The following HHIPL1 variants were observed in gnomAD, a reference collection of about 807,000 sequenced individuals.
HHIPL1 encodes HHIP-like protein 1.
In HHIPL1, 43 loss-of-function variants were observed where a neutral mutation model predicts 61.8. The observed-to-expected ratio is 0.70, with a 90% CI of 0.55 to 0.90. HHIPL1 has a LOEUF of 0.90. HHIPL1 is among the 40% of genes least tolerant of loss of function. The pLI, the probability that HHIPL1 is intolerant of heterozygous loss-of-function variation, is 0.00. For missense variants in HHIPL1, 1,056 were observed against 1,157.7 expected, an observed-to-expected ratio of 0.91 and a Z score of 1.28; for synonymous variants, 482 against 515.8, an observed-to-expected ratio of 0.93 and a Z score of 0.89.
At chr14:99,640,710 C>A (rs1271848224), upstream of HHIPL1, among the ~76,000 whole-genome samples, 1 of 152,134 alleles carries the variant, frequency 6.6e-6, no homozygotes, top group African/African-American at 2.4e-5. Context: ...TATACCACTT[C>A]ATGTGTAGTG....
chr14:99,672,463 C>A (rs916732465), intron 8 of HHIPL1, 64 bp downstream of exon 8: 17 of 1,380,372 alleles, frequency 1.2e-5, no homozygotes, highest in Non-Finnish European at 1.6e-5. Flanking sequence ...CAACGGCTGC[C>A]TTTCCAGCCA....
the HHIPL1 span, among the ~76,000 whole-genome samples, chr14:99,637,091 A>AG: frequency 3.8e-4 from 48 of 127,022 alleles, 1 homozygote; most frequent in Non-Finnish European, 7.3e-4. Context: ...AAAGAAAGAA[A>AG]GAAGGAAGGA....
At chr14:99,621,709 C>CTTTTTTTTTTTTTTTTTTTTTTTTTT in the HHIPL1 span, among the ~76,000 whole-genome samples, 2 of 84,526 alleles carry the variant, frequency 2.4e-5, no homozygotes, top group Non-Finnish European at 2.1e-5. Flanking sequence ...CTTTTCTTTT[C>CTTTTTTTTTTTTTTTTTTTTTTTTTT]TTTTTTTTTT....
Position 99,675,819 on chromosome 14 carries a change from G to T in HHIPL1, c.*193G>T. 1 of 507,970 alleles carries T rather than the reference G, an allele frequency of 2.0e-6. No individual in the cohort carries two copies. The highest frequency in any genetic ancestry group is 3.3e-6 in the Non-Finnish European group (1 of 303,296). The allele number at this position is 507,970 out of a possible 1,614,324, so 31.5% of individuals were successfully genotyped here. Reference sequence around the variant, plus strand: ...CAGACCCAAGGCAGGAGTGTGTGTTGGGGGCGGTGTGGGCTCTGGAAGTGC... The same window carrying T: ...CAGACCCAAGGCAGGAGTGTGTGTTTGGGGCGGTGTGGGCTCTGGAAGTGC... On this transcript the variant is annotated 3_prime_UTR_variant, in exon 9 of 9. Transcript: ENST00000330710. This position sits in a 1 kb window ranked among gnomAD's most constrained non-coding sequence, Gnocchi z 5.4.
At chr14:99,662,569 G>A (rs1354756984) in intron 5 of HHIPL1, among the ~76,000 whole-genome samples, 3 of 152,204 alleles carry the variant, frequency 2.0e-5, no homozygotes, top group African/African-American at 7.2e-5. Flanking sequence ...CACATGTGCA[G>A]TCACAGAGGG....
chr14:99,608,220 G>T, the HHIPL1 span, among the ~76,000 whole-genome samples: 2 of 151,726 alleles, frequency 1.3e-5, no homozygotes, highest in East Asian at 1.9e-4. Context: ...CGATGGAGCT[G>T]GGCAGAGGAG....
At chr14:99,642,624 C>G (rs1313880159), upstream of HHIPL1, among the ~76,000 whole-genome samples, 1 of 151,788 alleles carries the variant, frequency 6.6e-6, no homozygotes, top group Non-Finnish European at 1.5e-5. Context: ...CTCCTGGGTT[C>G]ACGCCATTCT....
intron 6 of HHIPL1, 119 bp downstream of exon 6, chr14:99,663,140 CACCT>C: frequency 1.0e-6 from 1 of 953,476 alleles, no homozygotes; most frequent in Admixed American, 3.1e-5. Context: ...AATTAGTTCC[CACCT>C]GGGATGTTCC....
the HHIPL1 span, among the ~76,000 whole-genome samples, chr14:99,618,724 T>G: frequency 1.3e-5 from 2 of 152,214 alleles, no homozygotes; most frequent in Non-Finnish European, 2.9e-5. Flanking sequence ...CTCCTCTCCA[T>G]GGGGCCCCTC....
At chr14:99,645,488 G>A in intron 1 of HHIPL1, 26 bp downstream of exon 1, 6 of 1,262,446 alleles carry the variant, frequency 4.8e-6, no homozygotes, top group Non-Finnish European at 5.9e-6. Context: ...GCCACCGGGC[G>A]GGGCGGGGCG....
At chr14:99,667,342 T>C (rs1290484043) in intron 6 of HHIPL1, among the ~76,000 whole-genome samples, 1 of 150,214 alleles carries the variant, frequency 6.7e-6, no homozygotes, top group African/African-American at 2.4e-5. Flanking sequence ...TTCTCAGCTG[T>C]GAGGTAGGAA....
In HHIPL1 at chr14:99,677,606, G is replaced by A. The variant is rs1157480668; in HGVS notation, c.*1980G>A. The A allele has an allele frequency of 2.6e-5, 4 of 152,330 alleles. No homozygotes were observed. The highest frequency in any genetic ancestry group is 5.9e-5 in the Non-Finnish European group (4 of 68,108). The allele number at this position is 152,330 out of a possible 1,614,324, so 9.4% of individuals were successfully genotyped here. A position where few individuals can be genotyped will look rare whatever the true frequency, so the allele number is the denominator to read the frequency against. ...GAGGAAGTGAGCTCAGGGAGGCTGA[G>A]TGTCCCAGGCCTGTTGCCAGATGAG... is the stretch of plus-strand genomic sequence containing the variant. On this transcript the variant is annotated 3_prime_UTR_variant, in exon 9 of 9. Transcript: ENST00000330710. This position sits in a 1 kb window ranked among gnomAD's most constrained non-coding sequence, Gnocchi z 4.3.
rs1320243771 is a variant in HHIPL1, at chr14:99,672,302, G to A, written c.1731-15G>A. 1.3e-6 allele frequency: 2 copies of A among 1,550,670 alleles called. No individual in the cohort carries two copies. The highest frequency in any genetic ancestry group is 2.4e-5 in the East Asian group (1 of 40,906). The stretch of plus-strand genomic sequence containing the variant: ...CCCAGGGTGAGACTCATAACCTCCT[G>A]TGTGTCGTTGGCAGGCGGGCACCAC... On this transcript the variant is annotated splice_polypyrimidine_tract_variant and intron_variant, in intron 7 of 8. Coordinates refer to ENST00000330710, the MANE Select transcript of HHIPL1 (RefSeq NM_001127258.3).
intron 6 of HHIPL1, 67 bp downstream of exon 6, chr14:99,663,088 CCTT>C: frequency 6.9e-7 from 1 of 1,447,596 alleles, no homozygotes; most frequent in Non-Finnish European, 9.3e-7. Context: ...ACCCTGTGGT[CCTT>C]CTGGTCTCTG....
At chr14:99,627,593 A>G in the HHIPL1 span, among the ~76,000 whole-genome samples, 1 of 152,182 alleles carries the variant, frequency 6.6e-6, no homozygotes, top group African/African-American at 2.4e-5. This position sits in a 1 kb window ranked among gnomAD's most constrained non-coding sequence, Gnocchi z 4.4. Context: ...GCATTGTTTC[A>G]GTGGAGGATG....
At chr14:99,616,838 T>G in the HHIPL1 span, among the ~76,000 whole-genome samples, 1 of 152,206 alleles carries the variant, frequency 6.6e-6, no homozygotes, top group Non-Finnish European at 1.5e-5. Context: ...CTGCCTGGAT[T>G]TTATGCCCAC....
chr14:99,673,093 G>A (rs1371965146), intron 8 of HHIPL1, among the ~76,000 whole-genome samples: 3 of 152,106 alleles, frequency 2.0e-5, no homozygotes, highest in Admixed American at 1.3e-4. Flanking sequence ...ACCACTCCGC[G>A]AGCCAAGGAA....
At chr14:99,637,058 G>GAAA in the HHIPL1 span, among the ~76,000 whole-genome samples, 1 of 73,630 alleles carries the variant, frequency 1.4e-5, no homozygotes, top group African/African-American at 5.6e-5. Flanking sequence ...AAGGAAGGAA[G>GAAA]GAAAAAAGAA....
At chr14:99,605,652 A>T in the HHIPL1 span, among the ~76,000 whole-genome samples, 1 of 152,274 alleles carries the variant, frequency 6.6e-6, no homozygotes. Flanking sequence ...GAGCTAGATC[A>T]GGATGAGACT....
Sources: gnomAD v4.1 joint callset for allele counts (sites outside exome capture counted in the v4.1 genomes callset) on GRCh38, gnomAD v4.1.1 for gene constraint, Gnocchi (gnomAD v3.1) non-coding constraint, MANE v1.5 for transcripts, NCBI Gene and HGNC (gene_info 2026-07-23, HGNC 2026-07-21) for gene names.